CNTNAP2: variants seen among roughly 807,000 people sequenced by gnomAD.
CNTNAP2 encodes the protein contactin-associated protein-like 2.
A neutral mutation model predicts 155.2 loss-of-function variants in CNTNAP2; 98 were observed. The ratio of observed to expected loss-of-function variants is 0.63; its 90% confidence interval spans 0.54 to 0.75. The LOEUF is 0.75. CNTNAP2 is among the 30% of genes least tolerant of loss of function. The pLI is 0.00. For synonymous variants in CNTNAP2, 651 were observed against 631.2 expected, an observed-to-expected ratio of 1.03 and a Z score of -0.47; for missense variants, 1,727 against 1,688.1, an observed-to-expected ratio of 1.02 and a Z score of -0.40.
chr7:146,931,240 C>T (rs1054483510), intron 3 of CNTNAP2, among the ~76,000 whole-genome samples: 74 of 152,262 alleles, frequency 4.9e-4, no homozygotes, highest in African/African-American at 1.7e-3. Flanking sequence ...AACTGTCTCT[C>T]AGACCACAGT....
At chr7:148,221,750 C>T (rs908952359) in intron 19 of CNTNAP2, among the ~76,000 whole-genome samples, 6 of 152,166 alleles carry the variant, frequency 3.9e-5, no homozygotes, top group Admixed American at 1.3e-4. Flanking sequence ...GCCCCCAGCA[C>T]CACCACTGCC....
At chr7:146,933,462 T>G (rs1419788708) in intron 3 of CNTNAP2, among the ~76,000 whole-genome samples, 1 of 151,358 alleles carries the variant, frequency 6.6e-6, no homozygotes, top group Non-Finnish European at 1.5e-5. Flanking sequence ...GACTTAAATG[T>G]TAGACCTAAA....
At position 146,264,033 on chromosome 7, in the gene CNTNAP2, T is replaced by A. The variant is rs1799958506; in HGVS notation, c.97+147060T>A. 2.6e-5 allele frequency among the ~76,000 whole-genome samples: 4 copies of A among 152,234 alleles called. No homozygotes were observed. In the South Asian group the frequency reaches 8.3e-4, roughly 31 times the overall value. On this transcript the variant is annotated intron_variant, in intron 1 of 23. Coordinates refer to ENST00000361727, the MANE Select transcript of CNTNAP2 (RefSeq NM_014141.6). ...GACAGTAGGACCTCCCTAATGAATT[T>A]ATTCTCCTTCGCAGGGTCAGAATTG...
intron 12 of CNTNAP2, among the ~76,000 whole-genome samples, chr7:147,622,893 A>G (rs749739112): frequency 6.6e-6 from 1 of 152,022 alleles, no homozygotes; most frequent in Non-Finnish European, 1.5e-5. Flanking sequence ...ACTAGGAAAA[A>G]AAGATCCAAA....
chr7:146,247,373 T>C (rs1244904607), intron 1 of CNTNAP2, among the ~76,000 whole-genome samples: 1 of 151,962 alleles, frequency 6.6e-6, no homozygotes, highest in Non-Finnish European at 1.5e-5. Flanking sequence ...GGGGAGGTGA[T>C]AAAAGGATTA....
chr7:147,432,629 A>T (rs1321979149), intron 10 of CNTNAP2, among the ~76,000 whole-genome samples: 1 of 152,206 alleles, frequency 6.6e-6, no homozygotes, highest in Non-Finnish European at 1.5e-5. Flanking sequence ...TAGTTCCAGC[A>T]TATTTCCACA....
At chr7:148,179,203 A>G (rs1030741016) in intron 18 of CNTNAP2, among the ~76,000 whole-genome samples, 2 of 152,160 alleles carry the variant, frequency 1.3e-5, no homozygotes. Context: ...CTCAAGGCCC[A>G]TCAGGAGACA....
At chr7:147,367,365 C>T (rs558321006) in intron 9 of CNTNAP2, among the ~76,000 whole-genome samples, 127 of 152,202 alleles carry the variant, frequency 8.3e-4, no homozygotes, top group African/African-American at 3.0e-3. Flanking sequence ...TTGCCTGAGG[C>T]CGTTCTCTAG....
intron 3 of CNTNAP2, among the ~76,000 whole-genome samples, chr7:146,873,918 A>G (rs986697109): frequency 4.6e-5 from 7 of 152,096 alleles, no homozygotes; most frequent in Non-Finnish European, 8.8e-5. Flanking sequence ...GATATTATAT[A>G]TTTTCTTCCA....
chr7:146,457,204 A>G (rs1257656464), intron 1 of CNTNAP2, among the ~76,000 whole-genome samples: 1 of 149,592 alleles, frequency 6.7e-6, no homozygotes, highest in Non-Finnish European at 1.5e-5. Flanking sequence ...GCAGTCACAG[A>G]CGTATTTTTA....
intron 21 of CNTNAP2, among the ~76,000 whole-genome samples, chr7:148,339,789 A>T (rs1244115546): frequency 6.6e-6 from 1 of 152,166 alleles, no homozygotes; most frequent in Non-Finnish European, 1.5e-5. Flanking sequence ...CACCTCTGCA[A>T]GCAGCGCTTT....
At chr7:147,013,643 G>T (rs892740242) in intron 3 of CNTNAP2, among the ~76,000 whole-genome samples, 1 of 151,878 alleles carries the variant, frequency 6.6e-6, no homozygotes, top group Non-Finnish European at 1.5e-5. Context: ...ATCCGTGTCC[G>T]TCTATCCCCT....
At chr7:147,332,175 G>T (rs1241838144) in intron 9 of CNTNAP2, among the ~76,000 whole-genome samples, 1 of 152,164 alleles carries the variant, frequency 6.6e-6, no homozygotes, top group East Asian at 1.9e-4. Context: ...GAAGGGCCAA[G>T]AACACGGGAA....
chr7:147,930,291 G>T (rs1243222439), intron 14 of CNTNAP2, among the ~76,000 whole-genome samples: 1 of 152,112 alleles, frequency 6.6e-6, no homozygotes, highest in African/African-American at 2.4e-5. Flanking sequence ...GAATGGATTT[G>T]AAAACAACAA....
chr7:148,371,412 C>T (rs186031922), intron 21 of CNTNAP2, among the ~76,000 whole-genome samples: 4 of 152,276 alleles, frequency 2.6e-5, no homozygotes, highest in Non-Finnish European at 5.9e-5. Context: ...GAAATCATTT[C>T]AGCCTCTCGG....
chr7:148,413,392 CA>C (rs1184055556), intron 23 of CNTNAP2, among the ~76,000 whole-genome samples: 5 of 1,652 alleles, frequency 3.0e-3, no homozygotes, highest in Admixed American at 6.4e-3. Flanking sequence ...AACTCCGTCT[CA>C]AAAAAAAAAT....
At chr7:146,908,169 CAA>C (rs1476209250) in intron 3 of CNTNAP2, among the ~76,000 whole-genome samples, 39 of 152,222 alleles carry the variant, frequency 2.6e-4, no homozygotes, top group African/African-American at 8.9e-4. Flanking sequence ...GAGTGACCTA[CAA>C]AGAGACTTAG....
chr7:146,871,130 T>C (rs1795296877), intron 3 of CNTNAP2, among the ~76,000 whole-genome samples: 1 of 152,334 alleles, frequency 6.6e-6, no homozygotes, highest in Admixed American at 6.5e-5. Flanking sequence ...GGAGTGATTT[T>C]ATGTATATGT....
intron 15 of CNTNAP2, among the ~76,000 whole-genome samples, chr7:148,087,459 C>T (rs118112179): frequency 1.1e-3 from 165 of 152,212 alleles, no homozygotes; most frequent in Middle Eastern, 6.8e-3. Context: ...CTCTCTCAAG[C>T]ATCATTTTAA....
Sources: allele counts gnomAD v4.1 joint callset (sites outside exome capture counted in the v4.1 genomes callset), GRCh38; gene constraint gnomAD v4.1.1; transcripts MANE v1.5; gene names NCBI Gene and HGNC (gene_info 2026-07-23, HGNC 2026-07-21).